TSGA10: variants seen among roughly 807,000 people sequenced by gnomAD.
The protein encoded by TSGA10 is testis specific 10.
Under a neutral mutation model 96.6 loss-of-function variants are expected in TSGA10, and 43 were observed. The ratio of observed to expected loss-of-function variants is 0.44; its 90% CI spans 0.35 to 0.57. The LOEUF is 0.57. Ranked by LOEUF, TSGA10 falls within the 20% of genes least tolerant of loss-of-function variation. The pLI, the probability that TSGA10 is intolerant of heterozygous loss-of-function variation, is 0.01. For synonymous variants in TSGA10, 229 were observed against 269.9 expected (o/e 0.85, Z 1.48); for missense variants, 703 against 834.4 (o/e 0.84, Z 1.94).
intron 20 of TSGA10, among the ~76,000 whole-genome samples, chr2:99,008,323 T>C (rs1375941963): frequency 1.3e-5 from 2 of 152,166 alleles, no homozygotes; most frequent in East Asian, 1.9e-4. Flanking sequence ...ATTTCTGAAA[T>C]GTACTAAAAA....
At chr2:99,085,609 T>TAAAAAAAAAAAAAA (rs200309936) in intron 10 of TSGA10, among the ~76,000 whole-genome samples, 573 of 52,274 alleles carry the variant, frequency 0.011, 18 homozygotes, top group Non-Finnish European at 0.014. Context: ...ATCCTGTCTT[T>TAAAAAAAAAAAAAA]AAAAAAAAAA....
At chr2:99,115,302 A>T (rs2092163184) in intron 4 of TSGA10, among the ~76,000 whole-genome samples, 1 of 152,154 alleles carries the variant, frequency 6.6e-6, no homozygotes, top group Non-Finnish European at 1.5e-5. Flanking sequence ...ATGTTACTTT[A>T]AAAAAAGTAA....
chr2:99,079,096 T>C (rs2087111941), intron 11 of TSGA10, among the ~76,000 whole-genome samples: 1 of 152,164 alleles, frequency 6.6e-6, no homozygotes, highest in Non-Finnish European at 1.5e-5. Context: ...ACTTAATGTA[T>C]GATGGGAAAA....
At chr2:98,999,350 C>G (rs1334829321) in intron 20 of TSGA10, among the ~76,000 whole-genome samples, 1 of 152,170 alleles carries the variant, frequency 6.6e-6, no homozygotes. Flanking sequence ...CCACTAGAGG[C>G]TGCATACTGT....
In TSGA10 at chr2:99,105,393, T is replaced by C; in HGVS notation, c.425A>G (p.Gln142Arg). Residue 142 changes from glutamine (Q) to arginine (R), a missense_variant, in exon 9 of 21, where the codon CAA (glutamine) becomes CGA (arginine). Coordinates refer to ENST00000393483, the MANE Select transcript of TSGA10 (RefSeq NM_025244.4). ...TAFNEKAHLE[Q>R]RIEELECTVH... ...TGTACACTCCAGCTCCTCTATCCTT[T>C]GTTCCAGGTGAGCCTTCTCATTAAA... is the stretch of plus-strand genomic sequence containing the variant. The C allele has an allele frequency of 6.2e-7, 1 of 1,613,440 alleles. No homozygotes were observed. Among genetic ancestry groups the C allele is most frequent in the Non-Finnish European group, 8.5e-7 (1 of 1,179,988 alleles).
At chr2:99,028,399 T>C (rs887266403) in intron 17 of TSGA10, among the ~76,000 whole-genome samples, 1 of 152,210 alleles carries the variant, frequency 6.6e-6, no homozygotes, top group Non-Finnish European at 1.5e-5. Context: ...ACATACATTA[T>C]AGAATGATTG....
At chr2:99,144,672 G>C (rs199626200) in intron 1 of TSGA10, among the ~76,000 whole-genome samples, 2 of 59,916 alleles carry the variant, frequency 3.3e-5, no homozygotes, top group Non-Finnish European at 8.3e-5. Flanking sequence ...AAAAAAAAAA[G>C]ATGCTGAAAG....
chr2:99,119,124 T>A (rs1439106436), intron 2 of TSGA10, among the ~76,000 whole-genome samples: 1 of 152,162 alleles, frequency 6.6e-6, no homozygotes, highest in Non-Finnish European at 1.5e-5. Context: ...GTTATCGTCT[T>A]CCAAACCATT....
At chr2:99,091,520 G>A (rs1348405354) in intron 10 of TSGA10, among the ~76,000 whole-genome samples, 6 of 152,078 alleles carry the variant, frequency 3.9e-5, no homozygotes, top group Admixed American at 3.9e-4. Context: ...TGGCAGAATT[G>A]ATAATTCACT....
chr2:99,094,493 T>C (rs1157569598), intron 10 of TSGA10, among the ~76,000 whole-genome samples: 4 of 151,872 alleles, frequency 2.6e-5, no homozygotes, highest in African/African-American at 9.7e-5. Flanking sequence ...ATCTTCACAA[T>C]CCATATATCT....
chr2:99,145,761 T>C (rs1201936525), intron 1 of TSGA10, among the ~76,000 whole-genome samples: 1 of 152,144 alleles, frequency 6.6e-6, no homozygotes, highest in Non-Finnish European at 1.5e-5. Context: ...GGACCAGATA[T>C]GTAGATAATT....
In TSGA10 at chr2:99,103,962, T is replaced by C. The variant is rs1324138179; in HGVS notation, c.611+5A>G. 2 of 1,613,712 alleles carry C rather than the reference T, an allele frequency of 1.2e-6. No homozygotes were observed. The highest frequency in any genetic ancestry group is 1.7e-6 in the Non-Finnish European group (2 of 1,179,872). ...TGTTGGTTGTTTAAAGGTGATTTAG[T>C]TTACCTCAAAGAATTATTCTCTGCT... On this transcript the variant is annotated splice_donor_5th_base_variant and intron_variant, in intron 10 of 20. Coordinates refer to ENST00000393483, the MANE Select transcript of TSGA10 (RefSeq NM_025244.4).
chr2:99,019,098 AT>A (rs1156549057), intron 18 of TSGA10, among the ~76,000 whole-genome samples: 1 of 152,178 alleles, frequency 6.6e-6, no homozygotes, highest in Non-Finnish European at 1.5e-5. Context: ...ACAATCTTCA[AT>A]TTAATAGAAT....
At chr2:99,027,950 CTTAT>C (rs1260788291) in intron 17 of TSGA10, among the ~76,000 whole-genome samples, 4 of 152,106 alleles carry the variant, frequency 2.6e-5, no homozygotes, top group African/African-American at 9.7e-5. Flanking sequence ...GGCTTATTTC[CTTAT>C]TTATTTGTCT....
At chr2:99,042,884 A>T (rs2082339287) in intron 16 of TSGA10, among the ~76,000 whole-genome samples, 2 of 151,850 alleles carry the variant, frequency 1.3e-5, no homozygotes, top group South Asian at 4.2e-4. Context: ...TTTTTAGTAG[A>T]TACAGGGTTT....
chr2:99,141,259 G>A, intron 1 of TSGA10: 2 of 861,056 alleles, frequency 2.3e-6, no homozygotes, highest in Non-Finnish European at 3.0e-6. Context: ...CCGGCGGATC[G>A]GAGGAAGGAC....
At chr2:99,098,317 T>C (rs1429204250) in intron 10 of TSGA10, among the ~76,000 whole-genome samples, 2 of 150,886 alleles carry the variant, frequency 1.3e-5, no homozygotes, top group Non-Finnish European at 3.0e-5. Flanking sequence ...CGGGCACCTG[T>C]AGTCCCAGTT....
chr2:99,125,921 G>C (rs929743029), intron 2 of TSGA10: 1 of 152,292 alleles, frequency 6.6e-6, no homozygotes, highest in African/African-American at 2.4e-5. Context: ...ATAGGTGGTA[G>C]AAGTTCAGGT....
intron 1 of TSGA10, among the ~76,000 whole-genome samples, chr2:99,149,484 C>T (rs2093667353): frequency 6.6e-6 from 1 of 150,942 alleles, no homozygotes; most frequent in South Asian, 2.1e-4. Flanking sequence ...GCTCTGTCGC[C>T]CAGGCTGGAG....
Sources: gnomAD v4.1 joint callset for allele counts (sites outside exome capture counted in the v4.1 genomes callset) on GRCh38, gnomAD v4.1.1 for gene constraint, MANE v1.5 for transcripts, NCBI Gene and HGNC (gene_info 2026-07-23, HGNC 2026-07-21) for gene names.